The following AFP variants were observed in gnomAD, a reference collection of about 807,000 sequenced individuals.
AFP encodes alpha-fetoprotein.
In AFP, 64 loss-of-function variants were observed where a neutral mutation model predicts 78.9. The ratio of observed to expected loss-of-function variants is 0.81; its 90% CI spans 0.66 to 1.00. The LOEUF is 1.00. Among genes scored for constraint, AFP ranks in the 50% least tolerant of loss-of-function variants. AFP has a pLI of 0.00. For missense variants in AFP, 689 were observed against 703.8 expected (o/e 0.98, Z 0.24); for synonymous variants, 254 against 243.8 (o/e 1.04, Z -0.39).
chr4:73,437,930 G>C (rs1040096008), intron 2 of AFP, among the ~76,000 whole-genome samples: 6 of 151,928 alleles, frequency 3.9e-5, no homozygotes, highest in African/African-American at 2.4e-5. Context: ...CACTCTTATG[G>C]GAAATCCACT....
At chr4:73,449,270 G>A (rs1719916877) in intron 8 of AFP, 65 bp from the exon 9 acceptor site, 12 of 1,439,468 alleles carry the variant, frequency 8.3e-6, no homozygotes, top group Non-Finnish European at 1.2e-5. Context: ...AATAACTGGA[G>A]AAGTGATGGC....
intron 14 of AFP, 109 bp from the exon 15 acceptor site, chr4:73,455,522 A>G: frequency 1.5e-6 from 1 of 648,556 alleles, no homozygotes; most frequent in Non-Finnish European, 2.7e-6. Context: ...ATGCTATCAG[A>G]AGACTTTCCT....
In AFP at chr4:73,442,396, G is replaced by A; in HGVS notation, c.583G>A (p.Ala195Thr). ...YDKIIPSCCKAENAVECFQTK... is the reference protein window; with the variant it reads ...YDKIIPSCCKTENAVECFQTK... ...CAAAATAATTCCATCTTGCTGCAAA[G>A]CTGAAAATGCAGTTGAATGCTTCCA... Residue 195 changes from alanine (A) to threonine (T), a missense_variant, in exon 5 of 15, where the codon GCT (alanine) becomes ACT (threonine). By Grantham distance (58) the Ala-to-Thr change is moderately conservative (BLOSUM62 0). Transcript: ENST00000395792. 1.2e-6 allele frequency: 2 copies of A among 1,614,106 alleles called. No individual in the cohort carries two copies. Among genetic ancestry groups the A allele is most frequent in the Non-Finnish European group, 8.5e-7 (1 of 1,180,000 alleles).
intron 1 of AFP, 29 bp from the exon 2 acceptor site, chr4:73,437,131 C>G (rs763700032): frequency 4.5e-6 from 7 of 1,571,560 alleles, no homozygotes; most frequent in Non-Finnish European, 6.1e-6. Context: ...GTTGAAAACA[C>G]GTTTCATGAA....
chr4:73,450,848 A>G (rs1719972386), intron 11 of AFP, 95 bp downstream of exon 11: 7 of 1,591,654 alleles, frequency 4.4e-6, no homozygotes, highest in Admixed American at 3.3e-5. Flanking sequence ...GTAAAAACCA[A>G]TGTAGAGATG....
At position 73,447,631 on chromosome 4, in the gene AFP, A is replaced by G. The variant is rs1719871414; in HGVS notation, c.1013A>G (p.Asp338Gly). The change falls in exon 8 of 15, where the codon GAT becomes GGT. Residue 338 changes from aspartate to glycine, a missense_variant. Transcript: ENST00000395792. ...CTAAACAGGTTTTTAGGAGATAGAG[A>G]TTTTAACCAATTTTCTTCAGGGGAA... ...PNLNRFLGDR[D>G]FNQFSSGEKN... 6.2e-7 allele frequency: 1 copy of G among 1,611,580 alleles called. No individual in the cohort carries two copies. The highest frequency in any genetic ancestry group is 8.5e-7 in the Non-Finnish European group (1 of 1,179,592).
chr4:73,442,442 G>A lies in AFP; in HGVS notation c.615+14G>A. ...TTCCAAACAAAGGTATCATATTTGC[G>A]TGGATATCTGAACCAGTACTGTAGT... On this transcript the variant is annotated intron_variant, in intron 5 of 14. Coordinates refer to ENST00000395792, the MANE Select transcript of AFP (RefSeq NM_001134.3). 1 of 1,613,632 alleles carries A rather than the reference G, an allele frequency of 6.2e-7. No homozygotes were observed.
chr4:73,440,739 C>A lies in AFP; in HGVS notation c.408C>A (p.Ile136=), dbSNP rs2149333417. The change falls in exon 4 of 15, where the codon ATC becomes ATA. Residue 136 remains isoleucine, a synonymous_variant. Transcript: ENST00000395792. ...LAHKKPTPAS[I]PLFQVPEPVT... The stretch of plus-strand genomic sequence containing the variant: ...ACAAAAAGCCCACTCCAGCATCGAT[C>A]CCACTTTTCCAAGTTCCAGAACCTG... 1 of 1,614,160 alleles carries A rather than the reference C, an allele frequency of 6.2e-7. No individual in the cohort carries two copies. The highest frequency in any genetic ancestry group is 1.3e-5 in the African/African-American group (1 of 75,034).
Position 73,453,911 on chromosome 4 carries a change from A to G in AFP, c.1785+14A>G, listed in dbSNP as rs1417535104. On this transcript the variant is annotated intron_variant, in intron 13 of 14. Transcript: ENST00000395792. ...TTTGCTGAAGAGGTACATGCAGCTC[A>G]TTTCATACTCAAAATACTTGCTATG... is the stretch of plus-strand genomic sequence containing the variant. 6.2e-6 allele frequency: 10 copies of G among 1,613,434 alleles called. No individual in the cohort carries two copies. The highest frequency in any genetic ancestry group is 1.3e-5 in the African/African-American group (1 of 75,016).
Position 73,440,736 on chromosome 4 carries a change from G to T in AFP, c.405G>T (p.Ser135=). 6.2e-7 allele frequency: 1 copy of T among 1,614,092 alleles called. No homozygotes were observed. The highest frequency in any genetic ancestry group is 8.5e-7 in the Non-Finnish European group (1 of 1,179,998). Residue 135 remains serine (S), a synonymous_variant, in exon 4 of 15, where the codon TCG becomes TCT. Transcript: ENST00000395792. ...FLAHKKPTPA[S]IPLFQVPEPV... ...CACACAAAAAGCCCACTCCAGCATC[G>T]ATCCCACTTTTCCAAGTTCCAGAAC...
At position 73,442,252 on chromosome 4, in the gene AFP, T is replaced by C. The variant is rs755830253; in HGVS notation, c.483-44T>C. The C allele has an allele frequency of 3.8e-6, 6 of 1,581,482 alleles. No homozygotes were observed. In the East Asian group the frequency reaches 1.1e-4, roughly 30 times the overall value. On this transcript the variant is annotated intron_variant, in intron 4 of 14. Coordinates refer to ENST00000395792, the MANE Select transcript of AFP (RefSeq NM_001134.3). ...CCAGTTCCAAGCAGTAGTAGTCCTA[T>C]TTTTAGGTGTTTATAAATCTTCTAG...
chr4:73,445,265 C>A, intron 7 of AFP, 143 bp downstream of exon 7: 1 of 1,000,444 alleles, frequency 1.0e-6, no homozygotes. Flanking sequence ...GCAGAATTCT[C>A]GGTAGTAAAA....
intron 12 of AFP, 164 bp from the exon 13 acceptor site, chr4:73,453,601 T>C: frequency 1.3e-6 from 1 of 773,578 alleles, no homozygotes; most frequent in South Asian, 1.8e-5. Context: ...GCTTTCAGCC[T>C]CAATCTTTCT....
chr4:73,438,416 A>G (rs1719573460), intron 3 of AFP, 110 bp downstream of exon 3: 1 of 1,255,406 alleles, frequency 8.0e-7, no homozygotes, highest in Non-Finnish European at 1.1e-6. Flanking sequence ...TTGAAGAGCT[A>G]TTGTATGAAA....
Position 73,449,458 on chromosome 4 carries a change from A to G in AFP, c.1182A>G (p.Gln394=), listed in dbSNP as rs781503568. The G allele has an allele frequency of 6.2e-7, 1 of 1,613,574 alleles. No homozygotes were observed. The highest frequency in any genetic ancestry group is 8.5e-7 in the Non-Finnish European group (1 of 1,179,660). Residue 394 remains glutamine, a synonymous_variant, in exon 9 of 15, where the codon CAA becomes CAG. Transcript: ENST00000395792. ...AGACTGAAAACCCTCTTGAATGCCA[A>G]GATAAAGGAGTAAGTTGCTCTAGAA... ...CFQTENPLEC[Q]DKGEEELQKY...
intron 11 of AFP, 131 bp from the exon 12 acceptor site, chr4:73,452,270 C>A: frequency 1.3e-6 from 1 of 774,436 alleles, no homozygotes. Flanking sequence ...TCCTACATAG[C>A]AAATTTTCCT....
Position 73,453,676 on chromosome 4 carries a change from G to A in AFP, c.1653-89G>A, listed in dbSNP as rs556226820. 13 of 1,483,890 alleles carry A rather than the reference G, an allele frequency of 8.8e-6. No homozygotes were observed. In the East Asian group the frequency reaches 1.2e-4, roughly 14 times the overall value. The allele number at this position is 1,483,890 out of a possible 1,614,324, so 91.9% of individuals were successfully genotyped here. A position where few individuals can be genotyped will look rare whatever the true frequency, so the allele number is the denominator to read the frequency against. On this transcript the variant is annotated intron_variant, in intron 12 of 14. Transcript: ENST00000395792. ...GATAGGTTGATGGAGTAAGGGTTTA[G>A]GCTCTGAAAATTCTCTACTAGGAAG... is the stretch of plus-strand genomic sequence containing the variant.
rs775685536 is a variant in AFP at position 73,442,325 on chromosome 4, C to G, written c.512C>G (p.Pro171Arg). ...KFIYEIARRHPFLYAPTILLW... is the reference protein window; with the variant it reads ...KFIYEIARRHRFLYAPTILLW... ...ATTTATGAGATAGCAAGAAGGCATC[C>G]CTTCCTGTATGCACCTACAATTCTT... The change falls in exon 5 of 15, where the codon CCC becomes CGC. Residue 171 changes from proline (P) to arginine (R), a missense_variant. Transcript: ENST00000395792. The G allele has an allele frequency of 3.1e-6, 5 of 1,613,756 alleles. No individual in the cohort carries two copies.
At chr4:73,455,163 T>A (rs1720119680) in intron 13 of AFP, 73 bp from the exon 14 acceptor site, 8 of 1,174,052 alleles carry the variant, frequency 6.8e-6, no homozygotes, top group African/African-American at 1.5e-5. Context: ...CACCCCGGAT[T>A]GTAGAGTGTT....
Sources: allele counts gnomAD v4.1 joint callset (sites outside exome capture counted in the v4.1 genomes callset), GRCh38; gene constraint gnomAD v4.1.1; transcripts MANE v1.5; gene names NCBI Gene and HGNC (gene_info 2026-07-23, HGNC 2026-07-21).